PGM3: variants seen among roughly 807,000 people sequenced by gnomAD.
PGM3 encodes phosphoglucomutase 3, also known as phosphoacetylglucosamine mutase.
PGM3 carries 40 observed loss-of-function variants against 66.2 expected under a neutral mutation model. The observed-to-expected ratio is 0.60, with a 90% CI of 0.47 to 0.79. PGM3 has a LOEUF of 0.79. Ranked by LOEUF, PGM3 falls within the 30% of genes least tolerant of loss-of-function variation. The probability of loss-of-function intolerance (pLI) is 0.00; values close to 1 mark genes in which losing one functional copy is unlikely to be tolerated. For synonymous variants in PGM3, 191 were observed against 224.2 expected (o/e 0.85, Z 1.32); for missense variants, 537 against 643.4 (o/e 0.83, Z 1.79).
At position 83,166,744 on chromosome 6, in the gene PGM3, A is replaced by G. The variant is rs76256305; in HGVS notation, c.*2490T>C. The G allele has an allele frequency of 1.6e-3, 1,867 of 1,133,196 alleles. 22 individuals are homozygous for G. In the African/African-American group the frequency reaches 0.026, roughly 16 times the overall value. 70.2% of individuals were successfully genotyped at this position (1,133,196 alleles called of 1,614,324 possible). A position where few individuals can be genotyped will look rare whatever the true frequency, so the allele number is the denominator to read the frequency against. ...AGCAATAAGCTTGAGAGCACATAGAAGAAAATAAGCTGGATTTTGCATCTG... is the reference window on the plus strand; with the variant it reads ...AGCAATAAGCTTGAGAGCACATAGAGGAAAATAAGCTGGATTTTGCATCTG... On this transcript the variant is annotated 3_prime_UTR_variant, in exon 13 of 13. Transcript: ENST00000513973.
Position 83,166,263 on chromosome 6 carries a change from CTT to C in PGM3, c.*2969_*2970del. 1 of 548,258 alleles carries C rather than the reference CTT, an allele frequency of 1.8e-6. No homozygotes were observed. The highest frequency in any genetic ancestry group is 1.9e-5 in the African/African-American group (1 of 53,032). 34.0% of individuals were successfully genotyped at this position (548,258 alleles called of 1,614,324 possible). On this transcript the variant is annotated 3_prime_UTR_variant, in exon 13 of 13. Coordinates refer to ENST00000513973, the MANE Select transcript of PGM3 (RefSeq NM_015599.3). ...CAACATTGAGTTCTTGGGCAGCTCT[CTT>C]ATAGTTGTAAGAGGATCAGCTTCGA...
intron 1 of PGM3, among the ~76,000 whole-genome samples, chr6:83,192,614 T>C (rs1269032130): frequency 6.6e-6 from 1 of 152,018 alleles, no homozygotes; most frequent in African/African-American, 2.4e-5. Flanking sequence ...TAAGGATGAA[T>C]ACATATTTGT....
the PGM3 span, chr6:83,155,827 C>T: frequency 8.6e-7 from 1 of 1,161,598 alleles, no homozygotes; most frequent in East Asian, 2.5e-5. Flanking sequence ...AGAGGGGCAT[C>T]AAGTTTTGTA....
At chr6:83,181,358 G>C (rs1037045066) in intron 6 of PGM3, among the ~76,000 whole-genome samples, 5 of 152,152 alleles carry the variant, frequency 3.3e-5, no homozygotes, top group Admixed American at 3.3e-4. Context: ...TGATAGAAAT[G>C]CAAATTTCTA....
chr6:83,154,861 ATAT>A, the PGM3 span, among the ~76,000 whole-genome samples: 1 of 152,210 alleles, frequency 6.6e-6, no homozygotes, highest in African/African-American at 2.4e-5. Context: ...TGATTCTGTA[ATAT>A]TTTTTAACAA....
intron 10 of PGM3, 71 bp from the exon 11 acceptor site, chr6:83,172,130 A>C: frequency 6.6e-7 from 1 of 1,508,082 alleles, no homozygotes; most frequent in South Asian, 1.1e-5. Context: ...GTTTTTTCTT[A>C]GAAAACCAAT....
At chr6:83,172,651 T>A (rs1179037001) in intron 10 of PGM3, among the ~76,000 whole-genome samples, 1 of 151,734 alleles carries the variant, frequency 6.6e-6, no homozygotes, top group Non-Finnish European at 1.5e-5. Context: ...AGAGCGAGAC[T>A]CCATCTCAAA....
chr6:83,190,093 GA>G (rs60684519), intron 2 of PGM3, among the ~76,000 whole-genome samples: 4,501 of 152,248 alleles, frequency 0.03, 160 homozygotes, highest in East Asian at 0.083. Context: ...AATATATATT[GA>G]AAATGTGTTG....
At chr6:83,151,929 C>A in the PGM3 span, 4 of 1,613,760 alleles carry the variant, frequency 2.5e-6, no homozygotes, top group African/African-American at 1.3e-5. Flanking sequence ...ATTGCTGGTT[C>A]TTCTCTGGAA....
the PGM3 span, chr6:83,153,796 C>T: frequency 1.2e-5 from 16 of 1,303,312 alleles, no homozygotes; most frequent in African/African-American, 3.0e-5. Context: ...TTCATATCTT[C>T]ATGTCACTGT....
At chr6:83,180,360 C>T (rs1041843905) in intron 6 of PGM3, among the ~76,000 whole-genome samples, 1 of 152,098 alleles carries the variant, frequency 6.6e-6, no homozygotes, top group Non-Finnish European at 1.5e-5. Context: ...TTAATTCTAA[C>T]AGAAATGATT....
chr6:83,171,055 T>C (rs1786988221), intron 11 of PGM3: 1 of 152,762 alleles, frequency 6.5e-6, no homozygotes, highest in African/African-American at 2.4e-5. Context: ...AAAATAATGT[T>C]GGGGCCAGGT....
intron 10 of PGM3, among the ~76,000 whole-genome samples, chr6:83,172,969 T>C (rs1309462875): frequency 6.6e-6 from 1 of 152,212 alleles, no homozygotes; most frequent in African/African-American, 2.4e-5. Context: ...GATGGTTCAG[T>C]AGACACAAAC....
chr6:83,160,479 C>G (rs1024160505), downstream of PGM3, among the ~76,000 whole-genome samples: 3 of 152,150 alleles, frequency 2.0e-5, no homozygotes, highest in African/African-American at 4.8e-5. Flanking sequence ...ACCTTGTAAG[C>G]TGTGTTAGAG....
rs1211233566 is a variant in PGM3, at chr6:83,169,915, A to G, written c.1539+390T>C. 1.5e-5 allele frequency: 6 copies of G among 405,454 alleles called. No individual in the cohort carries two copies. The Admixed American group carries it at 1.9e-4, about 13-fold the overall frequency. The allele number at this position is 405,454 out of a possible 1,614,324, so 25.1% of individuals were successfully genotyped here. A position where few individuals can be genotyped will look rare whatever the true frequency, so the allele number is the denominator to read the frequency against. On this transcript the variant is annotated intron_variant, in intron 12 of 12. Transcript: ENST00000513973. ...TTTGAAAAACAAATCAAGAGTCCAG[A>G]ATGCTATCAGTTGACTTAGAAATGA...
rs1218840327 is a variant in PGM3 at position 83,166,276 on chromosome 6, G to C, written c.*2958C>G. ...TTGGGCAGCTCTCTTATAGTTGTAA[G>C]AGGATCAGCTTCGATGATGTTCTCA... is the stretch of plus-strand genomic sequence containing the variant. On this transcript the variant is annotated 3_prime_UTR_variant, in exon 13 of 13. Transcript: ENST00000513973. The C allele has an allele frequency of 1.7e-6, 1 of 574,136 alleles. No individual in the cohort carries two copies. Among genetic ancestry groups the C allele is most frequent in the Non-Finnish European group, 3.1e-6 (1 of 323,054 alleles). The allele number at this position is 574,136 out of a possible 1,614,324, so 35.6% of individuals were successfully genotyped here.
chr6:83,183,069 C>T lies in PGM3; in HGVS notation c.458-91G>A, dbSNP rs576692140. ...TTCATGTGTAGGAATTTCAGGGTGA[C>T]AAATCCTTTTGTGTCATCTCAGACA... On this transcript the variant is annotated intron_variant, in intron 4 of 12. Transcript: ENST00000513973. 3.8e-5 allele frequency: 45 copies of T among 1,177,844 alleles called. 1 individual carries two copies. In the African/African-American group the frequency reaches 6.4e-4, roughly 17 times the overall value. The allele number at this position is 1,177,844 out of a possible 1,614,324, so 73.0% of individuals were successfully genotyped here.
At chr6:83,176,126 G>A in intron 8 of PGM3, 66 bp from the exon 9 acceptor site, 1 of 870,664 alleles carries the variant, frequency 1.1e-6, no homozygotes, top group Non-Finnish European at 2.0e-6. Flanking sequence ...TGCATACCTA[G>A]TATCCCAGAG....
chr6:83,162,342 T>G (rs994888453), downstream of PGM3, among the ~76,000 whole-genome samples: 5 of 152,184 alleles, frequency 3.3e-5, no homozygotes, highest in Non-Finnish European at 7.4e-5. Context: ...GTTCAATTTT[T>G]TACTCCTTTA....
Sources: gnomAD v4.1 joint callset for allele counts (sites outside exome capture counted in the v4.1 genomes callset) on GRCh38, gnomAD v4.1.1 for gene constraint, MANE v1.5 for transcripts, NCBI Gene and HGNC (gene_info 2026-07-23, HGNC 2026-07-21) for gene names.